SMUG1: variants seen among roughly 807,000 people sequenced by gnomAD.
The protein encoded by SMUG1 is single-strand-selective monofunctional uracil-DNA glycosylase 1, also known as single-strand selective monofunctional uracil DNA glycosylase.
A neutral mutation model predicts 23.9 loss-of-function variants in SMUG1; 13 were observed. The observed-to-expected ratio is 0.54, with a 90% confidence interval of 0.35 to 0.86. SMUG1 has a LOEUF of 0.86. Among genes scored for constraint, SMUG1 ranks in the 40% least tolerant of loss-of-function variants. SMUG1 has a pLI of 0.01. For missense variants in SMUG1, 313 were observed against 339.5 expected (o/e 0.92, Z 0.61); for synonymous variants, 133 against 139.8 (o/e 0.95, Z 0.34).
At chr12:54,161,611 T>C (rs1592332522), downstream of SMUG1, among the ~76,000 whole-genome samples, 1 of 152,370 alleles carries the variant, frequency 6.6e-6, no homozygotes, top group East Asian at 1.9e-4. The surrounding 1 kb of genome is among the most constrained non-coding windows in gnomAD (Gnocchi z 4.2). Flanking sequence ...TCTTTGCCTA[T>C]ATTTTCTTCT....
At chr12:54,170,770 A>AT (rs535513851) in intron 3 of SMUG1, among the ~76,000 whole-genome samples, 29 of 151,830 alleles carry the variant, frequency 1.9e-4, no homozygotes, top group Admixed American at 7.2e-4. Flanking sequence ...CTAACTTTTT[A>AT]TTTTTTGTAG....
chr12:54,180,493 C>T lies in SMUG1; in HGVS notation c.*1603G>A, dbSNP rs2136568186. The T allele has an allele frequency of 6.6e-6, 1 of 152,184 alleles. No individual in the cohort carries two copies. The highest frequency in any genetic ancestry group is 1.9e-4 in the East Asian group (1 of 5,202). 9.4% of individuals were successfully genotyped at this position (152,184 alleles called of 1,614,324 possible). A position where few individuals can be genotyped will look rare whatever the true frequency, so the allele number is the denominator to read the frequency against. The stretch of plus-strand genomic sequence containing the variant: ...GATAGGAAGTAGACCATGTGTTCCT[C>T]ATTAAGGTGGTCTCAAGACCTGCTC... On this transcript the variant is annotated 3_prime_UTR_variant, in exon 4 of 4. Coordinates refer to ENST00000682136, the MANE Select transcript of SMUG1 (RefSeq NM_001243787.2).
intron 2 of SMUG1, chr12:54,186,850 C>G (rs111751837): frequency 6.6e-6 from 1 of 152,392 alleles, no homozygotes; most frequent in Non-Finnish European, 1.5e-5. Context: ...CAAACACCTG[C>G]TCAGCAATGT....
Position 54,182,198 on chromosome 12 carries a change from G to A in SMUG1, c.711C>T (p.Leu237=), listed in dbSNP as rs781217559. The A allele has an allele frequency of 1.9e-5, 31 of 1,611,338 alleles. No homozygotes were observed. In the East Asian group the frequency reaches 6.0e-4, roughly 31 times the overall value. The change falls in exon 4 of 4, where the codon CTC becomes CTT. Residue 237 remains leucine (L), a synonymous_variant. Coordinates refer to ENST00000682136, the MANE Select transcript of SMUG1 (RefSeq NM_001243787.2). ...GLMPEVQVEG[L]LHPSPRNPQA... ...GTGGGTTACGGGGAGAGGGATGCAG[G>A]AGCCCTTCCACCTGGACCTCTGGCA...
intron 3 of SMUG1, chr12:54,168,476 TTAAAG>T (rs1940540632): frequency 1.3e-5 from 2 of 152,192 alleles, no homozygotes; most frequent in African/African-American, 4.8e-5. Context: ...TTTATGTACA[TTAAAG>T]TTTGAAAGCA....
chr12:54,170,924 T>C (rs1357795584), intron 3 of SMUG1, among the ~76,000 whole-genome samples: 1 of 151,612 alleles, frequency 6.6e-6, no homozygotes, highest in Non-Finnish European at 1.5e-5. Context: ...CCATGACAGA[T>C]AAATGCACCT....
At chr12:54,164,653 T>C (rs1247033636), downstream of SMUG1, 1 of 152,322 alleles carries the variant, frequency 6.6e-6, no homozygotes, top group Non-Finnish European at 1.5e-5. Flanking sequence ...GGGAGGGGCT[T>C]GGACTCTGTT....
At chr12:54,169,996 C>A (rs1316979722) in intron 3 of SMUG1, among the ~76,000 whole-genome samples, 1 of 152,000 alleles carries the variant, frequency 6.6e-6, no homozygotes, top group Non-Finnish European at 1.5e-5. Flanking sequence ...GTCGGTAGTT[C>A]GAGACCAGCC....
chr12:54,170,269 GGTGAACTAAGA>G (rs1940583269), intron 3 of SMUG1, among the ~76,000 whole-genome samples: 1 of 151,984 alleles, frequency 6.6e-6, no homozygotes, highest in Non-Finnish European at 1.5e-5. Flanking sequence ...AAGCAGTAAA[GGTGAACTAAGA>G]GTTTCAGGTC....
intron 3 of SMUG1, among the ~76,000 whole-genome samples, chr12:54,171,031 T>C (rs1265582940): frequency 3.3e-5 from 5 of 151,342 alleles, no homozygotes; most frequent in Admixed American, 6.6e-5. Flanking sequence ...AGTGTCATTC[T>C]GTCACCCATG....
intron 2 of SMUG1, among the ~76,000 whole-genome samples, chr12:54,174,042 C>T (rs1349758947): frequency 6.6e-6 from 1 of 152,130 alleles, no homozygotes; most frequent in Non-Finnish European, 1.5e-5. Context: ...ACAGTGGACT[C>T]CCACTCTAGG....
At chr12:54,164,132 G>A (rs1251621045), downstream of SMUG1, among the ~76,000 whole-genome samples, 4 of 152,020 alleles carry the variant, frequency 2.6e-5, no homozygotes, top group African/African-American at 9.7e-5. Context: ...GAAAAGATGG[G>A]GGACTTCCAG....
chr12:54,170,057 G>A (rs1940576234), intron 3 of SMUG1, among the ~76,000 whole-genome samples: 1 of 152,188 alleles, frequency 6.6e-6, no homozygotes, highest in African/African-American at 2.4e-5. Context: ...AATTAGCCGG[G>A]TGTGGTGGTG....
rs1324184096 is a variant in SMUG1, at chr12:54,182,302, G to C, written c.607C>G (p.Gln203Glu). ...ICDAALCRQV[Q>E]LLGVRLVVGV... ...ACCACCAGCCGCACCCCCAGCAGCT[G>C]CACCTGCCGGCAGAGGGCTGCATCA... Residue 203 changes from glutamine (Q) to glutamate (E), a missense_variant, in exon 4 of 4, where the codon CAG becomes GAG. Physicochemically the swap from Gln to Glu is conservative, Grantham distance 29 (BLOSUM62 2). Coordinates refer to ENST00000682136, the MANE Select transcript of SMUG1 (RefSeq NM_001243787.2). 9 of 1,613,390 alleles carry C rather than the reference G, an allele frequency of 5.6e-6. No homozygotes were observed. The highest frequency in any genetic ancestry group is 7.6e-6 in the Non-Finnish European group (9 of 1,179,618).
chr12:54,172,502 A>C (rs1940647446), intron 2 of SMUG1: 1 of 163,206 alleles, frequency 6.1e-6, no homozygotes, highest in African/African-American at 2.4e-5. Context: ...ACAAGAAACA[A>C]AATGCCCGCC....
rs1395895257 is a variant in SMUG1, at chr12:54,181,282, T to A, written c.*814A>T. On this transcript the variant is annotated 3_prime_UTR_variant, in exon 4 of 4. Coordinates refer to ENST00000682136, the MANE Select transcript of SMUG1 (RefSeq NM_001243787.2). Reference sequence around the variant, plus strand: ...GCCCAGACTCTCTCCTAGCAAGGTATCCAGAATGGAGAGGGGCTACCCTTG... The same window carrying A: ...GCCCAGACTCTCTCCTAGCAAGGTAACCAGAATGGAGAGGGGCTACCCTTG... 1.1e-5 allele frequency: 5 copies of A among 438,144 alleles called. No individual in the cohort carries two copies. The highest frequency in any genetic ancestry group is 2.1e-5 in the Non-Finnish European group (5 of 243,700). The allele number at this position is 438,144 out of a possible 1,614,324, so 27.1% of individuals were successfully genotyped here.
intron 3 of SMUG1, among the ~76,000 whole-genome samples, chr12:54,170,700 A>C (rs1285095221): frequency 6.6e-6 from 1 of 152,086 alleles, no homozygotes; most frequent in African/African-American, 2.4e-5. Context: ...AGGCACAAGC[A>C]ATCCTCCCAC....
chr12:54,180,596 G>T lies in SMUG1; in HGVS notation c.*1500C>A, dbSNP rs1940922866. The T allele has an allele frequency of 6.6e-6, 1 of 152,136 alleles. No individual in the cohort carries two copies. The highest frequency in any genetic ancestry group is 1.5e-5 in the Non-Finnish European group (1 of 68,046). 9.4% of individuals were successfully genotyped at this position (152,136 alleles called of 1,614,324 possible). On this transcript the variant is annotated 3_prime_UTR_variant, in exon 4 of 4. Transcript: ENST00000682136. ...ACCATTCAGCAGACATAAAAAATGA[G>T]TTGGATACCAGGTTCCCATCTGCCC...
chr12:54,163,018 A>G (rs558407355), downstream of SMUG1: 5 of 152,332 alleles, frequency 3.3e-5, no homozygotes, highest in African/African-American at 1.2e-4. Flanking sequence ...AGAGGAAAAC[A>G]CTTGTCCCCA....
Sources: gnomAD v4.1 joint callset for allele counts (sites outside exome capture counted in the v4.1 genomes callset) on GRCh38, gnomAD v4.1.1 for gene constraint, Gnocchi (gnomAD v3.1) non-coding constraint, MANE v1.5 for transcripts, NCBI Gene and HGNC (gene_info 2026-07-23, HGNC 2026-07-21) for gene names.